STXBP5L: variants seen among roughly 807,000 people sequenced by gnomAD.
The protein encoded by STXBP5L is syntaxin-binding protein 5-like.
STXBP5L carries 65 observed loss-of-function variants against 144.5 expected under a neutral mutation model. That is an observed-to-expected ratio of 0.45 (90% CI 0.37 to 0.55). STXBP5L has a LOEUF of 0.55. STXBP5L is among the 20% of genes least tolerant of loss of function. STXBP5L has a pLI of 0.00. For missense variants in STXBP5L, 1,298 were observed against 1,405.5 expected (o/e 0.92, Z 1.22); for synonymous variants, 505 against 469.6 (o/e 1.08, Z -0.97).
intron 3 of STXBP5L, among the ~76,000 whole-genome samples, chr3:120,969,205 T>C (rs1939952387): frequency 6.7e-6 from 1 of 149,506 alleles, no homozygotes; most frequent in Non-Finnish European, 1.5e-5. Flanking sequence ...CAACATCTAT[T>C]TTTTTTTTTA....
intron 9 of STXBP5L, among the ~76,000 whole-genome samples, chr3:121,185,033 C>T (rs906169007): frequency 6.6e-6 from 1 of 152,182 alleles, no homozygotes; most frequent in African/African-American, 2.4e-5. Context: ...ACCACCAGGC[C>T]TGCTTTACAA....
intron 5 of STXBP5L, among the ~76,000 whole-genome samples, chr3:121,102,115 T>C (rs1416132599): frequency 6.6e-6 from 1 of 152,076 alleles, no homozygotes; most frequent in African/African-American, 2.4e-5. Flanking sequence ...AAGAACAATA[T>C]TGTTAAAATG....
At chr3:121,154,156 A>G (rs2046035820) in intron 8 of STXBP5L, among the ~76,000 whole-genome samples, 1 of 151,796 alleles carries the variant, frequency 6.6e-6, no homozygotes. Context: ...CTTAGTACAA[A>G]TATATGTAAT....
intron 6 of STXBP5L, among the ~76,000 whole-genome samples, chr3:121,119,962 G>A (rs61661959): frequency 0.014 from 2,092 of 151,338 alleles, 48 homozygotes; most frequent in African/African-American, 0.048. Context: ...CATGTGATCC[G>A]AGTAGTGTTT....
At chr3:121,168,475 C>T (rs1042303365) in intron 9 of STXBP5L, among the ~76,000 whole-genome samples, 2 of 152,052 alleles carry the variant, frequency 1.3e-5, no homozygotes, top group Non-Finnish European at 2.9e-5. Flanking sequence ...ACTAGAATAA[C>T]CAGTTTAGAG....
At chr3:120,909,901 G>A in intron 2 of STXBP5L, 134 bp downstream of exon 2, 1 of 914,882 alleles carries the variant, frequency 1.1e-6, no homozygotes, top group Non-Finnish European at 1.6e-6. Context: ...AAGCTCTGTG[G>A]GTAGATCAGT....
intron 9 of STXBP5L, among the ~76,000 whole-genome samples, chr3:121,187,587 G>T (rs2047445854): frequency 7.9e-6 from 1 of 126,392 alleles, no homozygotes; most frequent in African/African-American, 3.0e-5. Context: ...ATAGAAAAAA[G>T]AACCATGAAT....
chr3:121,050,320 T>G (rs1283265230), intron 5 of STXBP5L, among the ~76,000 whole-genome samples: 1 of 152,208 alleles, frequency 6.6e-6, no homozygotes, highest in Non-Finnish European at 1.5e-5. Context: ...TCTTTAGTCC[T>G]AATTCTGGTT....
chr3:121,303,521 T>C (rs530252724), intron 19 of STXBP5L, among the ~76,000 whole-genome samples: 1 of 152,288 alleles, frequency 6.6e-6, no homozygotes, highest in Admixed American at 6.5e-5. Context: ...AGCCATCCCA[T>C]TACTGGGTAT....
At chr3:121,037,423 T>C (rs956697148) in intron 3 of STXBP5L, among the ~76,000 whole-genome samples, 1 of 151,998 alleles carries the variant, frequency 6.6e-6, no homozygotes, top group Non-Finnish European at 1.5e-5. Context: ...AATTTTATTA[T>C]CTTTTAAAGT....
At chr3:121,037,560 A>G (rs1946849724) in intron 3 of STXBP5L, among the ~76,000 whole-genome samples, 1 of 152,062 alleles carries the variant, frequency 6.6e-6, no homozygotes, top group Non-Finnish European at 1.5e-5. Context: ...AAATTTGCCA[A>G]CATTTTTTAT....
At chr3:120,938,129 T>C (rs1710364051) in intron 2 of STXBP5L, among the ~76,000 whole-genome samples, 1 of 152,104 alleles carries the variant, frequency 6.6e-6, no homozygotes, top group Non-Finnish European at 1.5e-5. Context: ...TGTTTCACAG[T>C]ATTTATATGT....
At chr3:121,353,579 C>T (rs2045387306) in intron 20 of STXBP5L, among the ~76,000 whole-genome samples, 1 of 151,954 alleles carries the variant, frequency 6.6e-6, no homozygotes, top group Non-Finnish European at 1.5e-5. Context: ...CTCTTTTCTT[C>T]TGTATTAGTC....
At chr3:121,101,614 A>G (rs531161125) in intron 5 of STXBP5L, among the ~76,000 whole-genome samples, 10 of 152,134 alleles carry the variant, frequency 6.6e-5, no homozygotes, top group Non-Finnish European at 1.0e-4. Context: ...TGATAAACAC[A>G]TAGCCAATAT....
chr3:121,271,856 TG>T (rs1288257599), intron 18 of STXBP5L, among the ~76,000 whole-genome samples: 1 of 152,186 alleles, frequency 6.6e-6, no homozygotes, highest in African/African-American at 2.4e-5. Flanking sequence ...GAAGCAAAGC[TG>T]GGAGGCCTCA....
At chr3:121,247,875 T>C (rs2049907211) in intron 14 of STXBP5L, among the ~76,000 whole-genome samples, 1 of 152,214 alleles carries the variant, frequency 6.6e-6, no homozygotes, top group Admixed American at 6.5e-5. Flanking sequence ...CTGAGTTCTT[T>C]GAGAAATCTC....
At chr3:121,049,208 G>A (rs1947755817) in intron 5 of STXBP5L, among the ~76,000 whole-genome samples, 1 of 152,110 alleles carries the variant, frequency 6.6e-6, no homozygotes, top group Admixed American at 6.5e-5. Context: ...GGGGTTCATG[G>A]TAGTCCCTAA....
intron 7 of STXBP5L, among the ~76,000 whole-genome samples, chr3:121,122,197 A>G (rs2044497957): frequency 6.7e-6 from 1 of 150,370 alleles, no homozygotes; most frequent in South Asian, 2.1e-4. Context: ...ACAGTTGAAA[A>G]CATGAAAATT....
intron 5 of STXBP5L, among the ~76,000 whole-genome samples, chr3:121,064,259 G>A (rs977497873): frequency 2.6e-5 from 4 of 152,154 alleles, no homozygotes; most frequent in Admixed American, 6.5e-5. Flanking sequence ...CCTGGGTGAG[G>A]CAACGCCCCA....
Sources: allele counts gnomAD v4.1 joint callset (sites outside exome capture counted in the v4.1 genomes callset), GRCh38; gene constraint gnomAD v4.1.1; transcripts MANE v1.5; gene names NCBI Gene and HGNC (gene_info 2026-07-23, HGNC 2026-07-21).